Variants in TP63 observed in about 807,000 individuals in gnomAD.
TP63 encodes tumor protein 63.
A neutral mutation model predicts 82.8 loss-of-function variants in TP63; 17 were observed. The ratio of observed to expected loss-of-function variants is 0.21; its 90% confidence interval spans 0.14 to 0.31. TP63 has a LOEUF of 0.31. Ranked by LOEUF, TP63 falls within the 10% of genes least tolerant of loss-of-function variation. The probability of loss-of-function intolerance (pLI) is 1.00; values close to 1 mark genes in which losing one functional copy is unlikely to be tolerated. For synonymous variants in TP63, 330 were observed against 321.7 expected, an observed-to-expected ratio of 1.03 and a Z score of -0.28; for missense variants, 648 against 895.3, an observed-to-expected ratio of 0.72 and a Z score of 3.52.
intron 3 of TP63, among the ~76,000 whole-genome samples, chr3:189,739,815 C>T (rs554883525): frequency 4.1e-5 from 6 of 145,206 alleles, no homozygotes; most frequent in Admixed American, 2.8e-4. Flanking sequence ...CATTTATTTA[C>T]GGCACAAGTC....
At chr3:189,616,657 G>A in the TP63 span, among the ~76,000 whole-genome samples, 4 of 152,148 alleles carry the variant, frequency 2.6e-5, no homozygotes, top group East Asian at 3.8e-4. Context: ...CATCATTTTC[G>A]TCTTTTGGTT....
At chr3:189,730,741 T>C (rs1720103483) in intron 1 of TP63, among the ~76,000 whole-genome samples, 1 of 152,208 alleles carries the variant, frequency 6.6e-6, no homozygotes, top group African/African-American at 2.4e-5. Flanking sequence ...GCCTGCTCTA[T>C]TGGAGATTTC....
rs187513234 is a variant in TP63 at position 189,645,755 on chromosome 3, G to A, written c.62+14178G>A. Among the ~76,000 whole-genome samples, 303 of 146,434 alleles carry A rather than the reference G, an allele frequency of 2.1e-3. 31 individuals are homozygous for A. Among genetic ancestry groups the A allele is most frequent in the African/African-American group, 7.6e-3 (295 of 39,048 alleles). ...CCACCTATGAGTGAGAACATGCAGT[G>A]TTTGGTTTTCTGTCCTTGTGATAGT... On this transcript the variant is annotated intron_variant, in intron 1 of 13. Transcript: ENST00000264731.
intron 4 of TP63, among the ~76,000 whole-genome samples, chr3:189,838,631 C>T (rs1713496272): frequency 6.6e-6 from 1 of 152,094 alleles, no homozygotes; most frequent in Non-Finnish European, 1.5e-5. Context: ...ATTAGTGGCC[C>T]ACACGGTACC....
chr3:189,890,806 G>A lies in TP63; in HGVS notation c.1670G>A (p.Gly557Asp). The A allele has an allele frequency of 6.2e-7, 1 of 1,613,944 alleles. No homozygotes were observed. The highest frequency in any genetic ancestry group is 1.1e-5 in the South Asian group (1 of 91,080). Residue 557 changes from glycine to aspartate, a missense_variant, in exon 13 of 14, where the codon GGC becomes GAC. Coordinates refer to ENST00000264731, the MANE Select transcript of TP63 (RefSeq NM_003722.5). ...CSIVSFLARL[G>D]CSSCLDYFTT... ...CTCTGCAGTTTCTTAGCGAGGTTGG[G>A]CTGTTCATCATGTCTGGACTATTTC...
intron 1 of TP63, among the ~76,000 whole-genome samples, chr3:189,687,359 C>T (rs1716530631): frequency 6.6e-6 from 1 of 152,114 alleles, no homozygotes; most frequent in South Asian, 2.1e-4. Context: ...AAAACCAAGA[C>T]AAGAAATGGA....
chr3:189,825,298 T>G (rs1729222803), intron 4 of TP63, among the ~76,000 whole-genome samples: 1 of 152,226 alleles, frequency 6.6e-6, no homozygotes, highest in Admixed American at 6.5e-5. Context: ...GTGGCTAAAC[T>G]ATACACCCTG....
At chr3:189,643,149 A>G (rs578235275) in intron 1 of TP63, among the ~76,000 whole-genome samples, 8 of 152,124 alleles carry the variant, frequency 5.3e-5, no homozygotes, top group East Asian at 3.9e-4. Flanking sequence ...TTACAGGCAC[A>G]TGCCGCTATG....
intron 4 of TP63, among the ~76,000 whole-genome samples, chr3:189,843,338 C>G (rs1714408450): frequency 6.6e-6 from 1 of 152,208 alleles, no homozygotes; most frequent in Non-Finnish European, 1.5e-5. Flanking sequence ...AGCCCACCTG[C>G]TTGATGTCAA....
rs1478904536 is a variant in TP63 at position 189,858,188 on chromosome 3, G to A, written c.580-6044G>A. On this transcript the variant is annotated intron_variant, in intron 4 of 13. Coordinates refer to ENST00000264731, the MANE Select transcript of TP63 (RefSeq NM_003722.5). The stretch of plus-strand genomic sequence containing the variant: ...TGGGAGGCCGAGGCGGGCGGATCAC[G>A]AGGTCAGGAGATCGAGACCATCCTG... Among the ~76,000 whole-genome samples, 6 of 15,314 alleles carry A rather than the reference G, an allele frequency of 3.9e-4. 3 individuals are homozygous for A. Among genetic ancestry groups the A allele is most frequent in the Non-Finnish European group, 9.2e-4 (6 of 6,500 alleles). The allele number at this position is 15,314 out of a possible 152,430, so 10.0% of individuals were successfully genotyped here.
chr3:189,762,865 A>G (rs571528740), intron 3 of TP63, among the ~76,000 whole-genome samples: 1 of 152,324 alleles, frequency 6.6e-6, no homozygotes, highest in Non-Finnish European at 1.5e-5. Context: ...ATTATTAATG[A>G]TCTAAATTAT....
At chr3:189,870,486 T>C (rs1289564398) in intron 9 of TP63, among the ~76,000 whole-genome samples, 2 of 152,132 alleles carry the variant, frequency 1.3e-5, no homozygotes, top group Non-Finnish European at 2.9e-5. Flanking sequence ...TACACCATTT[T>C]ATATAAGGGA....
At chr3:189,873,132 GC>G in intron 10 of TP63, 137 bp downstream of exon 10, 1 of 1,367,354 alleles carries the variant, frequency 7.3e-7, no homozygotes, top group South Asian at 1.2e-5. Flanking sequence ...ACCTGGTATG[GC>G]AACCCTCTTT....
chr3:189,719,785 G>T (rs1011342316), intron 1 of TP63, among the ~76,000 whole-genome samples: 2 of 152,118 alleles, frequency 1.3e-5, no homozygotes, highest in Non-Finnish European at 2.9e-5. Flanking sequence ...CTTCGTGAGC[G>T]CTTTTCTTTG....
At chr3:189,695,603 T>C (rs1717316481) in intron 1 of TP63, among the ~76,000 whole-genome samples, 1 of 152,200 alleles carries the variant, frequency 6.6e-6, no homozygotes. Flanking sequence ...GACCCATGTA[T>C]ATGCACATAT....
chr3:189,642,306 G>C (rs1228976855), intron 1 of TP63, among the ~76,000 whole-genome samples: 4 of 152,168 alleles, frequency 2.6e-5, no homozygotes, highest in African/African-American at 4.8e-5. Context: ...AAATGAAAAT[G>C]AGATATGAAC....
intron 3 of TP63, among the ~76,000 whole-genome samples, chr3:189,756,403 T>G (rs78133031): frequency 0.025 from 3,765 of 152,306 alleles, 170 homozygotes; most frequent in African/African-American, 0.085. Flanking sequence ...TCTGTTCTGT[T>G]CTTTGTACAG....
In TP63 at chr3:189,851,043, A is replaced by G. The variant is rs529871909; in HGVS notation, c.580-13189A>G. The stretch of plus-strand genomic sequence containing the variant: ...TTAAACACTTTATGTGGAGAATCTT[A>G]GAAATATGAGGCTTCAGTCATAATT... On this transcript the variant is annotated intron_variant, in intron 4 of 13. Coordinates refer to ENST00000264731, the MANE Select transcript of TP63 (RefSeq NM_003722.5). 2.3e-3 allele frequency among the ~76,000 whole-genome samples: 344 copies of G among 152,366 alleles called. 4 individuals are homozygous for G. The highest frequency in any genetic ancestry group is 7.9e-3 in the African/African-American group (327 of 41,584).
rs544870377 is a variant in TP63, at chr3:189,757,336, T to C, written c.324+18562T>C. Among the ~76,000 whole-genome samples, 95 of 152,324 alleles carry C rather than the reference T, an allele frequency of 6.2e-4. No individual in the cohort carries two copies. The South Asian group carries it at 0.02, about 32-fold the overall frequency. On this transcript the variant is annotated intron_variant, in intron 3 of 13. Coordinates refer to ENST00000264731, the MANE Select transcript of TP63 (RefSeq NM_003722.5). ...AGATAGATGGCTGCCTGTGTTTGAA[T>C]CTAGCTCAGTTATTCAGTATTTGGG...
Sources: allele counts gnomAD v4.1 joint callset (sites outside exome capture counted in the v4.1 genomes callset), GRCh38; gene constraint gnomAD v4.1.1; transcripts MANE v1.5; gene names NCBI Gene and HGNC (gene_info 2026-07-23, HGNC 2026-07-21).